Variants in GALNT13 observed in about 807,000 individuals in gnomAD.
GALNT13 encodes polypeptide N-acetylgalactosaminyltransferase 13.
In GALNT13, 28 loss-of-function variants were observed where a neutral mutation model predicts 64.2. The observed-to-expected ratio is 0.44, with a 90% CI of 0.32 to 0.60. The LOEUF is 0.60. Ranked by LOEUF, GALNT13 falls within the 20% of genes least tolerant of loss-of-function variation. The pLI, the probability that GALNT13 is intolerant of heterozygous loss-of-function variation, is 0.05. For synonymous variants in GALNT13, 214 were observed against 224.6 expected (o/e 0.95, Z 0.42); for missense variants, 577 against 669.8 (o/e 0.86, Z 1.53).
At chr2:154,296,875 C>T (rs1379199474) in intron 8 of GALNT13, among the ~76,000 whole-genome samples, 1 of 152,042 alleles carries the variant, frequency 6.6e-6, no homozygotes, top group Non-Finnish European at 1.5e-5. Context: ...CATCCATCAA[C>T]CCGTCAGCAA....
the GALNT13 span, among the ~76,000 whole-genome samples, chr2:153,284,275 G>A: frequency 1.1e-4 from 16 of 152,166 alleles, no homozygotes; most frequent in East Asian, 2.1e-3. Flanking sequence ...AGGAGAAACC[G>A]CAGATCTCTT....
intron 3 of GALNT13, among the ~76,000 whole-genome samples, chr2:154,028,011 T>G (rs1698088967): frequency 6.6e-6 from 1 of 152,114 alleles, no homozygotes; most frequent in African/African-American, 2.4e-5. Flanking sequence ...GCTTTTGCTC[T>G]CAAAAACAAG....
chr2:153,796,769 C>T, the GALNT13 span, among the ~76,000 whole-genome samples: 1 of 152,118 alleles, frequency 6.6e-6, no homozygotes, highest in Non-Finnish European at 1.5e-5. Context: ...CATGTTGTTT[C>T]ACAGTACTTT....
chr2:154,379,937 G>A (rs1185567228), intron 9 of GALNT13, among the ~76,000 whole-genome samples: 1 of 151,932 alleles, frequency 6.6e-6, no homozygotes, highest in Non-Finnish European at 1.5e-5. Context: ...CTTAATCTAT[G>A]ACTAAAATCA....
At chr2:153,582,880 G>C in the GALNT13 span, among the ~76,000 whole-genome samples, 1 of 152,112 alleles carries the variant, frequency 6.6e-6, no homozygotes, top group Non-Finnish European at 1.5e-5. Context: ...CAAGAACAAA[G>C]TGCCCTTATT....
chr2:153,983,385 T>C (rs1694597306), intron 3 of GALNT13, among the ~76,000 whole-genome samples: 1 of 151,840 alleles, frequency 6.6e-6, no homozygotes. Flanking sequence ...TTGTGATAAA[T>C]GGTAATTAAT....
the GALNT13 span, among the ~76,000 whole-genome samples, chr2:153,470,444 G>A: frequency 6.6e-6 from 1 of 152,048 alleles, no homozygotes; most frequent in African/African-American, 2.4e-5. Flanking sequence ...ATGCCAACTG[G>A]GCCAGAGTTC....
chr2:153,400,929 G>C, the GALNT13 span, among the ~76,000 whole-genome samples: 2 of 151,782 alleles, frequency 1.3e-5, no homozygotes, highest in Admixed American at 1.3e-4. Context: ...ATTTCCTTCA[G>C]TTCTGCTCTG....
chr2:154,089,466 TG>T (rs906143063), intron 3 of GALNT13, among the ~76,000 whole-genome samples: 1 of 151,952 alleles, frequency 6.6e-6, no homozygotes, highest in African/African-American at 2.4e-5. Context: ...ACCATAGAAG[TG>T]GGGGGTCAGA....
chr2:153,451,154 A>C, the GALNT13 span, among the ~76,000 whole-genome samples: 1 of 152,152 alleles, frequency 6.6e-6, no homozygotes, highest in African/African-American at 2.4e-5. Context: ...AACTATAAAA[A>C]TAATCTAATT....
chr2:154,350,121 C>A (rs1696309745), intron 9 of GALNT13, among the ~76,000 whole-genome samples: 1 of 152,166 alleles, frequency 6.6e-6, no homozygotes, highest in African/African-American at 2.4e-5. Context: ...TTTGTGCATT[C>A]AACAAACATC....
At chr2:153,939,939 C>G (rs1404166217) in intron 2 of GALNT13, among the ~76,000 whole-genome samples, 1 of 152,100 alleles carries the variant, frequency 6.6e-6, no homozygotes, top group East Asian at 1.9e-4. Context: ...GAAACCCAGA[C>G]TCAAATCATG....
chr2:153,438,125 C>A, the GALNT13 span, among the ~76,000 whole-genome samples: 2 of 152,136 alleles, frequency 1.3e-5, no homozygotes, highest in Non-Finnish European at 2.9e-5. Context: ...GTTGAAAATT[C>A]TTTTCTTTAA....
At chr2:154,120,118 A>AC (rs1681852965) in intron 3 of GALNT13, among the ~76,000 whole-genome samples, 3 of 152,060 alleles carry the variant, frequency 2.0e-5, no homozygotes, top group African/African-American at 7.2e-5. Flanking sequence ...ACTATTTAAT[A>AC]TAGCCTGTGA....
the GALNT13 span, among the ~76,000 whole-genome samples, chr2:153,204,100 A>G: frequency 7.9e-5 from 12 of 152,320 alleles, no homozygotes; most frequent in African/African-American, 2.9e-4. Context: ...GATACTCCCT[A>G]ATACCAGTGT....
chr2:154,368,961 T>A (rs1697526604), intron 9 of GALNT13, among the ~76,000 whole-genome samples: 1 of 151,154 alleles, frequency 6.6e-6, no homozygotes, highest in Non-Finnish European at 1.5e-5. Flanking sequence ...GTTCCGGAAT[T>A]GTAAAGTATC....
the GALNT13 span, among the ~76,000 whole-genome samples, chr2:153,399,236 A>G: frequency 1.9e-3 from 292 of 150,670 alleles, 2 homozygotes; most frequent in African/African-American, 6.4e-3. Flanking sequence ...ATAGTTGTAG[A>G]TATGCGGCGT....
the GALNT13 span, among the ~76,000 whole-genome samples, chr2:153,157,406 C>A: frequency 1.3e-5 from 2 of 152,176 alleles, no homozygotes; most frequent in Non-Finnish European, 2.9e-5. Flanking sequence ...TGGTACATTG[C>A]AATGGGCTCT....
chr2:154,335,503 A>G (rs1695393908), intron 9 of GALNT13, among the ~76,000 whole-genome samples: 1 of 151,950 alleles, frequency 6.6e-6, no homozygotes, highest in Non-Finnish European at 1.5e-5. Flanking sequence ...TTCTCTCACA[A>G]TCAAGTTTCC....
Sources: gnomAD v4.1 joint callset for allele counts (sites outside exome capture counted in the v4.1 genomes callset) on GRCh38, gnomAD v4.1.1 for gene constraint, MANE v1.5 for transcripts, NCBI Gene and HGNC (gene_info 2026-07-23, HGNC 2026-07-21) for gene names.